The following SCP2 variants were observed in gnomAD, a reference collection of about 807,000 sequenced individuals.
The protein encoded by SCP2 is sterol carrier protein 2.
In SCP2, 48 loss-of-function variants were observed where a neutral mutation model predicts 71.4. The ratio of observed to expected loss-of-function variants is 0.67; its 90% CI spans 0.53 to 0.86. The LOEUF is 0.86. Ranked by LOEUF, SCP2 falls within the 40% of genes least tolerant of loss-of-function variation. The pLI is 0.00. For synonymous variants in SCP2, 220 were observed against 218.1 expected (o/e 1.01, Z -0.08); for missense variants, 560 against 655.6 (o/e 0.85, Z 1.59).
chr1:52,953,508 A>G (rs1655504639), intron 4 of SCP2, among the ~76,000 whole-genome samples: 1 of 151,794 alleles, frequency 6.6e-6, no homozygotes, highest in Non-Finnish European at 1.5e-5. Flanking sequence ...ACCATACCCA[A>G]CTAATTTTTG....
intron 2 of SCP2, among the ~76,000 whole-genome samples, chr1:52,947,311 G>A (rs1457556444): frequency 6.7e-6 from 1 of 148,708 alleles, no homozygotes; most frequent in Non-Finnish European, 1.5e-5. Flanking sequence ...GTTCCCCATG[G>A]ACAACTTCTT....
intron 13 of SCP2, 55 bp downstream of exon 13, chr1:53,028,126 C>T (rs1662267541): frequency 2.0e-6 from 2 of 996,386 alleles, no homozygotes; most frequent in Admixed American, 1.8e-5. Context: ...AGGAAGCAGA[C>T]ACAGGTTTCA....
At chr1:52,977,092 T>G (rs1658043931) in intron 8 of SCP2, among the ~76,000 whole-genome samples, 1 of 152,240 alleles carries the variant, frequency 6.6e-6, no homozygotes, top group Non-Finnish European at 1.5e-5. Context: ...TTCCCTGCTA[T>G]GTACTTCTAC....
intron 11 of SCP2, chr1:52,995,498 A>G (rs1160965541): frequency 2.3e-6 from 1 of 437,682 alleles, no homozygotes; most frequent in Non-Finnish European, 4.6e-6. Context: ...CCCTTACCAC[A>G]TCTCCACTAC....
intron 11 of SCP2, among the ~76,000 whole-genome samples, chr1:52,992,350 T>A (rs1013983718): frequency 1.3e-5 from 2 of 152,214 alleles, no homozygotes; most frequent in African/African-American, 4.8e-5. Context: ...AGCAAAAACA[T>A]TAATCATCTC....
chr1:53,048,663 A>T (rs1259021108), intron 15 of SCP2: 1 of 154,040 alleles, frequency 6.5e-6, no homozygotes. Flanking sequence ...ACAGTATCTG[A>T]TGTTTTTAGG....
chr1:53,021,652 T>G (rs1433541124), intron 12 of SCP2, among the ~76,000 whole-genome samples: 5,500 of 146,420 alleles, frequency 0.038, 216 homozygotes, highest in East Asian at 0.21. Flanking sequence ...TTTCTTTTTT[T>G]TTTTTTTTTT....
rs757589915 is a variant in SCP2, at chr1:52,980,412, G to A, written c.842G>A (p.Ser281Asn). ...TGGTTTTAGGTTGGCTTTGATATGA[G>A]TAAAGAAGCTGCAAGAAAATGCTAT... ...SIIKMVGFDM[S>N]KEAARKCYEK... Residue 281 changes from serine (S) to asparagine (N), a missense_variant, in exon 10 of 16, where the codon AGT becomes AAT. By Grantham distance (46) the Ser-to-Asn change is conservative (BLOSUM62 1). Around this residue, in one of 3 missense-constraint regions of SCP2, gnomAD observed 513 missense variants for 573.1 expected, o/e 0.90. Coordinates refer to ENST00000371514, the MANE Select transcript of SCP2 (RefSeq NM_002979.5). 8.7e-6 allele frequency: 14 copies of A among 1,613,998 alleles called. No individual in the cohort carries two copies. The Admixed American group carries it at 2.3e-4, about 27-fold the overall frequency.
rs764929170 is a variant in SCP2 at position 53,015,019 on chromosome 1, A to G, written c.1211A>G (p.Lys404Arg). The G allele has an allele frequency of 4.3e-6, 7 of 1,614,086 alleles. No homozygotes were observed. The Admixed American group carries it at 8.3e-5, about 19-fold the overall frequency. Residue 404 changes from lysine to arginine, a missense_variant, in exon 12 of 16, where the codon AAG becomes AGG. Lys to Arg is a conservative substitution (Grantham distance 26, BLOSUM62 2). Transcript: ENST00000371514. The part of the protein sequence containing the change: ...IGGAVVVTLY[K>R]MGFPEAASSF... The stretch of plus-strand genomic sequence containing the variant: ...GGAGCTGTGGTTGTAACACTCTACA[A>G]GATGGGTTTTCCGGAAGCCGCCAGG...
intron 1 of SCP2, among the ~76,000 whole-genome samples, chr1:52,933,021 A>G (rs1012595658): frequency 6.6e-6 from 1 of 152,242 alleles, no homozygotes; most frequent in Non-Finnish European, 1.5e-5. Flanking sequence ...GAAGAAGCTT[A>G]GAAATAATGA....
At chr1:52,942,210 T>A (rs956053442) in intron 2 of SCP2, among the ~76,000 whole-genome samples, 3 of 152,234 alleles carry the variant, frequency 2.0e-5, no homozygotes, top group Non-Finnish European at 4.4e-5. Context: ...GGAAAAGGGA[T>A]AATCACATTC....
At chr1:52,991,092 G>A (rs11206064) in intron 11 of SCP2, among the ~76,000 whole-genome samples, 25,180 of 152,162 alleles carry the variant, frequency 0.17, 4,591 homozygotes, top group African/African-American at 0.46. Context: ...ATAGGTACGT[G>A]TTCTGTATGA....
rs72903191 is a variant in SCP2 at position 53,038,635 on chromosome 1, G to A, written c.1339-282G>A. Reference sequence around the variant, plus strand: ...GCCCAGGCTGGCCTCCAACTCTTGGGCTCAAGTGATCCCCCCACCTCTGCC... The same window carrying A: ...GCCCAGGCTGGCCTCCAACTCTTGGACTCAAGTGATCCCCCCACCTCTGCC... On this transcript the variant is annotated intron_variant, in intron 13 of 15. Coordinates refer to ENST00000371514, the MANE Select transcript of SCP2 (RefSeq NM_002979.5). 0.098 allele frequency among the ~76,000 whole-genome samples: 14,958 copies of A among 151,992 alleles called. 1,463 individuals are homozygous for A. Among genetic ancestry groups the A allele is most frequent in the African/African-American group, 0.22 (9,004 of 41,420 alleles).
intron 11 of SCP2, among the ~76,000 whole-genome samples, chr1:53,000,133 G>GTTGGACA (rs1160625679): frequency 2.6e-5 from 4 of 151,512 alleles, no homozygotes; most frequent in African/African-American, 9.7e-5. Context: ...ATGAATAAAT[G>GTTGGACA]TTGGACATGG....
At chr1:52,987,454 T>C (rs1216302703) in intron 10 of SCP2, among the ~76,000 whole-genome samples, 1 of 152,218 alleles carries the variant, frequency 6.6e-6, no homozygotes, top group Non-Finnish European at 1.5e-5. Context: ...TTTTATTTAC[T>C]TCTTAAGCAT....
chr1:52,955,337 C>A (rs567958461), intron 5 of SCP2, among the ~76,000 whole-genome samples: 9 of 152,260 alleles, frequency 5.9e-5, no homozygotes, highest in East Asian at 5.8e-4. Flanking sequence ...ATTTTAACAG[C>A]CCCCTGGAAT....
At chr1:52,941,298 C>T (rs1172170670) in intron 1 of SCP2, among the ~76,000 whole-genome samples, 1 of 152,128 alleles carries the variant, frequency 6.6e-6, no homozygotes, top group African/African-American at 2.4e-5. Context: ...GTACTTCTGA[C>T]ACTGTAGTGT....
intron 11 of SCP2, among the ~76,000 whole-genome samples, chr1:53,013,763 G>T (rs960237628): frequency 1.3e-5 from 2 of 151,978 alleles, no homozygotes; most frequent in Admixed American, 6.6e-5. Context: ...GGAAGTTGGG[G>T]TTTATACAGG....
chr1:53,003,104 A>T (rs1660419606), intron 11 of SCP2, among the ~76,000 whole-genome samples: 1 of 152,168 alleles, frequency 6.6e-6, no homozygotes, highest in African/African-American at 2.4e-5. Context: ...AAATTTTATC[A>T]TTAAACTCTA....
Sources: gnomAD v4.1 joint callset for allele counts (sites outside exome capture counted in the v4.1 genomes callset) on GRCh38, gnomAD v4.1.1 for gene constraint, gnomAD v4.1.1 regional missense constraint, MANE v1.5 for transcripts, NCBI Gene and HGNC (gene_info 2026-07-23, HGNC 2026-07-21) for gene names.